Variants in DDX17 observed in about 807,000 individuals in gnomAD.
DDX17 encodes the protein DEAD-box helicase 17, also known as probable ATP-dependent RNA helicase DDX17.
In DDX17, 10 loss-of-function variants were observed where a neutral mutation model predicts 80.8. The observed-to-expected ratio is 0.12, with a 90% CI of 0.08 to 0.21. DDX17 has a LOEUF of 0.21. Ranked by LOEUF, DDX17 falls within the 10% of genes least tolerant of loss-of-function variation. The probability of loss-of-function intolerance (pLI) is 1.00; values close to 1 mark genes in which losing one functional copy is unlikely to be tolerated. For missense variants in DDX17, 586 were observed against 957.4 expected (o/e 0.61, Z 5.12); for synonymous variants, 339 against 336.2 (o/e 1.01, Z -0.09).
Position 38,493,781 on chromosome 22 carries a change from G to A in DDX17, c.1326-10C>T, listed in dbSNP as rs2089735239. 6.2e-7 allele frequency: 1 copy of A among 1,611,920 alleles called. No homozygotes were observed. The highest frequency in any genetic ancestry group is 8.5e-7 in the Non-Finnish European group (1 of 1,178,420). Reference sequence around the variant, plus strand: ...ACACATAGCTGGCCAACTATCAGAAGAAAAGTGACCAATATTTTAAAAATC... The same window carrying A: ...ACACATAGCTGGCCAACTATCAGAAAAAAAGTGACCAATATTTTAAAAATC... On this transcript the variant is annotated splice_polypyrimidine_tract_variant and intron_variant, in intron 9 of 12. Coordinates refer to ENST00000403230, the MANE Select transcript of DDX17 (RefSeq NM_006386.5).
intron 10 of DDX17, chr22:38,493,506 CA>C (rs1474724552): frequency 1.8e-6 from 1 of 565,150 alleles, no homozygotes; most frequent in Non-Finnish European, 3.2e-6. Context: ...CACTTCTTTA[CA>C]TATTATCTAC....
chr22:38,489,838 T>C lies in DDX17; in HGVS notation c.1448-1723A>G, dbSNP rs2089695468. 1.0e-6 allele frequency: 1 copy of C among 985,962 alleles called. No homozygotes were observed. The highest frequency in any genetic ancestry group is 1.2e-6 in the Non-Finnish European group (1 of 830,362). 61.1% of individuals were successfully genotyped at this position (985,962 alleles called of 1,614,324 possible). On this transcript the variant is annotated intron_variant, in intron 11 of 12. Transcript: ENST00000403230. The surrounding 1 kb of genome is among the most constrained non-coding windows in gnomAD (Gnocchi z 4.6). ...AAAGAATTTACAGGGCCAGGGTGGA[T>C]GTAAGACAGGGGGTGGGGAATTCTA...
chr22:38,503,791 T>A (rs1242037521), intron 1 of DDX17, among the ~76,000 whole-genome samples: 1 of 152,238 alleles, frequency 6.6e-6, no homozygotes, highest in African/African-American at 2.4e-5. Context: ...ACATGTGAAA[T>A]ACATGAACTG....
chr22:38,501,759 T>C (rs930046149), intron 1 of DDX17, among the ~76,000 whole-genome samples: 1 of 152,248 alleles, frequency 6.6e-6, no homozygotes, highest in African/African-American at 2.4e-5. Flanking sequence ...CAAGTTAGCA[T>C]CATTTCATTC....
At chr22:38,488,382 T>C in intron 11 of DDX17, 1 of 1,338,008 alleles carries the variant, frequency 7.5e-7, no homozygotes, top group Non-Finnish European at 9.6e-7. Flanking sequence ...TCCAAACTCC[T>C]GCCTCTGCTA....
chr22:38,501,015 A>C lies in DDX17; in HGVS notation c.438+115T>G. On this transcript the variant is annotated intron_variant, in intron 2 of 12. Transcript: ENST00000403230. ...TTAACCAAAAAATTTTTTAAGAAAA[A>C]TATCACCACACTAGAATAAAATGTA... The C allele has an allele frequency of 2.9e-6, 4 of 1,357,540 alleles. No individual in the cohort carries two copies. The East Asian group carries it at 8.3e-5, about 28-fold the overall frequency. The allele number at this position is 1,357,540 out of a possible 1,614,324, so 84.1% of individuals were successfully genotyped here. A position where few individuals can be genotyped will look rare whatever the true frequency, so the allele number is the denominator to read the frequency against.
Position 38,496,306 on chromosome 22 carries a change from A to G in DDX17, c.739-369T>C, listed in dbSNP as rs138521749. ...TAAACCCCCAAAACCAAAATGCTCC[A>G]GCAAGCATTTACTTTGAGGATCATA... On this transcript the variant is annotated intron_variant, in intron 5 of 12. Transcript: ENST00000403230. Among the ~76,000 whole-genome samples, 394 of 152,350 alleles carry G rather than the reference A, an allele frequency of 2.6e-3. 2 individuals carry two copies. Among genetic ancestry groups the G allele is most frequent in the African/African-American group, 9.1e-3 (379 of 41,578 alleles).
Position 38,494,597 on chromosome 22 carries a change from C to T in DDX17, c.1214+33G>A, listed in dbSNP as rs2089743565. ...AGGGTTATTAGAAAAGGTTTATCAG[C>T]ATTATCAAATCAGAGTAAAATATCT... On this transcript the variant is annotated intron_variant, in intron 8 of 12. Transcript: ENST00000403230. The T allele has an allele frequency of 1.9e-6, 3 of 1,603,494 alleles. No individual in the cohort carries two copies. The South Asian group carries it at 3.3e-5, about 18-fold the overall frequency.
At chr22:38,499,268 T>C (rs1395536609) in intron 3 of DDX17, 132 bp downstream of exon 3, 3 of 690,108 alleles carry the variant, frequency 4.3e-6, no homozygotes, top group Non-Finnish European at 7.6e-6. Flanking sequence ...AGAACAGAAC[T>C]GATGACCATA....
chr22:38,490,525 C>A (rs2089703464), intron 11 of DDX17: 18 of 1,123,766 alleles, frequency 1.6e-5, no homozygotes, highest in Non-Finnish European at 2.1e-5. Context: ...AAAAATATCC[C>A]AGTGGAAAGG....
At chr22:38,490,582 G>A in intron 11 of DDX17, 1 of 597,852 alleles carries the variant, frequency 1.7e-6, no homozygotes, top group Non-Finnish European at 2.5e-6. Flanking sequence ...GGGAATCAAA[G>A]AACTTACCTG....
Position 38,505,693 on chromosome 22 carries a change from G to A in DDX17, c.287+258C>T, listed in dbSNP as rs984342857. 4.7e-5 allele frequency: 22 copies of A among 466,548 alleles called. No individual in the cohort carries two copies. The East Asian group carries it at 6.8e-4, about 14-fold the overall frequency. 28.9% of individuals were successfully genotyped at this position (466,548 alleles called of 1,614,324 possible). A position where few individuals can be genotyped will look rare whatever the true frequency, so the allele number is the denominator to read the frequency against. On this transcript the variant is annotated intron_variant, in intron 1 of 12. Coordinates refer to ENST00000403230, the MANE Select transcript of DDX17 (RefSeq NM_006386.5). ...AGGCCGCCCCTCCCGATCCCCCGCG[G>A]GGCTGGGATGGGGCCGGGCCGCGCC...
chr22:38,505,850 G>A, intron 1 of DDX17, 101 bp downstream of exon 1: 22 of 1,407,996 alleles, frequency 1.6e-5, no homozygotes, highest in East Asian at 2.6e-5. Context: ...TCGCCTCCCG[G>A]GTCGAGAGCA....
intron 11 of DDX17, chr22:38,488,666 CA>C: frequency 1.0e-6 from 1 of 987,688 alleles, no homozygotes; most frequent in Non-Finnish European, 1.2e-6. Flanking sequence ...TTTTGATTAA[CA>C]TTTAACTTTT....
chr22:38,495,364 G>A (rs968473137), intron 6 of DDX17, among the ~76,000 whole-genome samples: 1 of 150,184 alleles, frequency 6.7e-6, no homozygotes, highest in Non-Finnish European at 1.5e-5. Context: ...TCCTGCCTCA[G>A]CCTCCCCAGT....
At chr22:38,505,709 G>C (rs563738866) in intron 1 of DDX17, 1 of 509,228 alleles carries the variant, frequency 2.0e-6, no homozygotes, top group Non-Finnish European at 3.4e-6. Context: ...GGATGGGGCC[G>C]GGCCGCGCCA....
intron 11 of DDX17, chr22:38,490,275 A>C (rs563972625): frequency 7.9e-7 from 1 of 1,264,532 alleles, no homozygotes; most frequent in East Asian, 5.6e-5. Context: ...GCTGACTGGG[A>C]TAAGAACCTT....
At chr22:38,491,954 A>G in intron 11 of DDX17, 102 bp downstream of exon 11, 3 of 706,196 alleles carry the variant, frequency 4.2e-6, no homozygotes, top group Non-Finnish European at 6.7e-6. Context: ...ATCTAACCAC[A>G]TGTATATACA....
In DDX17 at chr22:38,485,882, G is replaced by C; in HGVS notation, c.*53C>G. The C allele has an allele frequency of 1.9e-6, 3 of 1,560,712 alleles. No individual in the cohort carries two copies. Among genetic ancestry groups the C allele is most frequent in the Non-Finnish European group, 2.6e-6 (3 of 1,154,062 alleles). On this transcript the variant is annotated 3_prime_UTR_variant, in exon 13 of 13. Transcript: ENST00000403230. ...GAAGAGGAAAAAAAAAGGAAAGACA[G>C]TGTTCCTTAAAATGTAATTAAGTCT... is the stretch of plus-strand genomic sequence containing the variant.
Sources: gnomAD v4.1 joint callset for allele counts (sites outside exome capture counted in the v4.1 genomes callset) on GRCh38, gnomAD v4.1.1 for gene constraint, Gnocchi (gnomAD v3.1) non-coding constraint, MANE v1.5 for transcripts, NCBI Gene and HGNC (gene_info 2026-07-23, HGNC 2026-07-21) for gene names.